The following GTF2H3 variants were observed in gnomAD, a reference collection of about 807,000 sequenced individuals.
GTF2H3 encodes TFIIH basal transcription factor complex p34 subunit.
Under a neutral mutation model 51.1 loss-of-function variants are expected in GTF2H3, and 42 were observed. The ratio of observed to expected loss-of-function variants is 0.82; its 90% CI spans 0.64 to 1.06. The LOEUF (loss-of-function observed/expected upper bound fraction) is 1.06, where lower values mean the gene tolerates loss of function less well. GTF2H3 is among the 50% of genes least tolerant of loss of function. The pLI, the probability that GTF2H3 is intolerant of heterozygous loss-of-function variation, is 0.00. For missense variants in GTF2H3, 326 were observed against 366.1 expected, an observed-to-expected ratio of 0.89 and a Z score of 0.89; for synonymous variants, 123 against 123.8, an observed-to-expected ratio of 0.99 and a Z score of 0.04.
At chr12:123,641,469 GC>G (rs1374542682) in intron 2 of GTF2H3, among the ~76,000 whole-genome samples, 1 of 151,230 alleles carries the variant, frequency 6.6e-6, no homozygotes, top group East Asian at 1.9e-4. Flanking sequence ...CAAGTGATCT[GC>G]CTGCCTCGAC....
In GTF2H3 at chr12:123,649,286, C is replaced by G. The variant is rs138247419; in HGVS notation, c.364+1160C>G. The G allele has an allele frequency of 2.0e-5, 3 of 152,396 alleles. No homozygotes were observed. In the East Asian group the frequency reaches 5.8e-4, roughly 29 times the overall value. The allele number at this position is 152,396 out of a possible 1,614,324, so 9.4% of individuals were successfully genotyped here. A position where few individuals can be genotyped will look rare whatever the true frequency, so the allele number is the denominator to read the frequency against. On this transcript the variant is annotated intron_variant, in intron 4 of 12. Coordinates refer to ENST00000543341, the MANE Select transcript of GTF2H3 (RefSeq NM_001516.5). ...CCCAGGCCCCATCCCTTATTGTCAT[C>G]TTGATCGGCCTCAGCATTATTGACA...
intron 1 of GTF2H3, among the ~76,000 whole-genome samples, chr12:123,638,516 C>G (rs1444587804): frequency 6.6e-6 from 1 of 152,022 alleles, no homozygotes; most frequent in African/African-American, 2.4e-5. Context: ...CGATATTGCC[C>G]AGGCTGGTCT....
chr12:123,658,102 G>A (rs544729099), intron 9 of GTF2H3, among the ~76,000 whole-genome samples: 2 of 152,228 alleles, frequency 1.3e-5, no homozygotes, highest in East Asian at 3.9e-4. Context: ...CTCTTGCCCA[G>A]GCTGGAATGC....
chr12:123,644,908 T>TAC (rs1427353366), intron 2 of GTF2H3, among the ~76,000 whole-genome samples: 2 of 152,342 alleles, frequency 1.3e-5, no homozygotes, highest in Admixed American at 1.3e-4. Context: ...CTTTAAATGT[T>TAC]ACACTGCAAA....
At chr12:123,646,092 CTG>C (rs1404507240) in intron 3 of GTF2H3, among the ~76,000 whole-genome samples, 1 of 152,138 alleles carries the variant, frequency 6.6e-6, no homozygotes, top group African/African-American at 2.4e-5. Flanking sequence ...TGAAAACTGG[CTG>C]TGTTAGACTC....
At chr12:123,653,798 T>A (rs1380399623) in intron 7 of GTF2H3, among the ~76,000 whole-genome samples, 1 of 152,092 alleles carries the variant, frequency 6.6e-6, no homozygotes, top group African/African-American at 2.4e-5. Flanking sequence ...TTGGTAAAAA[T>A]CTTTTCTGGG....
At chr12:123,639,738 C>A (rs1283897575) in intron 2 of GTF2H3, among the ~76,000 whole-genome samples, 1 of 152,038 alleles carries the variant, frequency 6.6e-6, no homozygotes. Flanking sequence ...ACATAGGAAA[C>A]CAGAAAAGAT....
In GTF2H3 at chr12:123,661,932, A is replaced by G. The variant is rs924286631; in HGVS notation, c.*1697A>G. 1 of 151,846 alleles carries G rather than the reference A, an allele frequency of 6.6e-6. No individual in the cohort carries two copies. Among genetic ancestry groups the G allele is most frequent in the African/African-American group, 2.4e-5 (1 of 41,326 alleles). The allele number at this position is 151,846 out of a possible 1,614,324, so 9.4% of individuals were successfully genotyped here. A position where few individuals can be genotyped will look rare whatever the true frequency, so the allele number is the denominator to read the frequency against. On this transcript the variant is annotated 3_prime_UTR_variant, in exon 13 of 13. Coordinates refer to ENST00000543341, the MANE Select transcript of GTF2H3 (RefSeq NM_001516.5). ...CAGAAATTTGAGACCATCCTGCCCA[A>G]CGTGGTGAAAACATGGTGAAACCCT... is the stretch of plus-strand genomic sequence containing the variant.
chr12:123,659,618 G>T lies in GTF2H3; in HGVS notation c.684+34G>T. 3 of 1,596,830 alleles carry T rather than the reference G, an allele frequency of 1.9e-6. No individual in the cohort carries two copies. In the East Asian group the frequency reaches 6.7e-5, roughly 36 times the overall value. ...ACAGCAGCGGCGACCCTGATGCCTG[G>T]AGGGAAGGATGACCTCTGTGTCCTG... On this transcript the variant is annotated intron_variant, in intron 10 of 12. Transcript: ENST00000543341.
intron 2 of GTF2H3, among the ~76,000 whole-genome samples, chr12:123,640,428 C>T (rs1955353759): frequency 6.6e-6 from 1 of 151,292 alleles, no homozygotes; most frequent in African/African-American, 2.4e-5. Flanking sequence ...CCTTTGCCTC[C>T]TGGGTTCAAG....
intron 4 of GTF2H3, chr12:123,650,430 T>C (rs1418906788): frequency 6.5e-6 from 1 of 153,302 alleles, no homozygotes; most frequent in East Asian, 1.9e-4. Flanking sequence ...GCTGCTAGAC[T>C]TATGCGTGAC....
At position 123,660,752 on chromosome 12, in the gene GTF2H3, C is replaced by T. The variant is rs1046009002; in HGVS notation, c.*517C>T. ...AGCCTCAGATATTTGCAGATATTTA[C>T]TTTTTGTCTGATATCAGTACATATT... On this transcript the variant is annotated 3_prime_UTR_variant, in exon 13 of 13. Coordinates refer to ENST00000543341, the MANE Select transcript of GTF2H3 (RefSeq NM_001516.5). 1 of 152,344 alleles carries T rather than the reference C, an allele frequency of 6.6e-6. No homozygotes were observed. Among genetic ancestry groups the T allele is most frequent in the Non-Finnish European group, 1.5e-5 (1 of 68,174 alleles). 9.4% of individuals were successfully genotyped at this position (152,344 alleles called of 1,614,324 possible).
chr12:123,645,438 C>CTT lies in GTF2H3; in HGVS notation c.94-9_94-8dup. 1 of 1,351,472 alleles carries CTT rather than the reference C, an allele frequency of 7.4e-7. No homozygotes were observed. The allele number at this position is 1,351,472 out of a possible 1,614,324, so 83.7% of individuals were successfully genotyped here. A position where few individuals can be genotyped will look rare whatever the true frequency, so the allele number is the denominator to read the frequency against. ...GATAGCTAATTTGTTTTTCTAATGT[C>CTT]TTTTTTTTTCCAACAGTTCACTTTA... is the stretch of plus-strand genomic sequence containing the variant. On this transcript the variant is annotated splice_polypyrimidine_tract_variant and intron_variant, in intron 2 of 12. Coordinates refer to ENST00000543341, the MANE Select transcript of GTF2H3 (RefSeq NM_001516.5).
chr12:123,642,134 A>T (rs1235905977), intron 2 of GTF2H3, among the ~76,000 whole-genome samples: 2 of 149,164 alleles, frequency 1.3e-5, no homozygotes, highest in Middle Eastern at 3.4e-3. Flanking sequence ...GATTACAGGC[A>T]TGAGCCACTG....
At chr12:123,635,572 CAA>C (rs11316749) in intron 1 of GTF2H3, among the ~76,000 whole-genome samples, 70 of 85,362 alleles carry the variant, frequency 8.2e-4, no homozygotes, top group African/African-American at 8.2e-4. Flanking sequence ...GTCTCCGTCG[CAA>C]AAAAAAAAAA....
At chr12:123,635,773 A>C (rs1955274587) in intron 1 of GTF2H3, among the ~76,000 whole-genome samples, 1 of 152,178 alleles carries the variant, frequency 6.6e-6, no homozygotes, top group African/African-American at 2.4e-5. Flanking sequence ...TAAGAAGTCC[A>C]CAGTCTTAAG....
chr12:123,652,605 T>A (rs1481661827), intron 6 of GTF2H3, 44 bp downstream of exon 6: 9 of 1,488,638 alleles, frequency 6.0e-6, no homozygotes, highest in African/African-American at 1.4e-5. Flanking sequence ...TCCTACTTAT[T>A]TTACTAGTAT....
intron 9 of GTF2H3, among the ~76,000 whole-genome samples, chr12:123,656,497 A>G (rs1013982661): frequency 2.7e-4 from 41 of 152,078 alleles, no homozygotes; most frequent in African/African-American, 9.7e-4. Context: ...CTACCTCCTC[A>G]GCCCTCACAT....
chr12:123,658,209 A>G (rs943171202), intron 9 of GTF2H3, among the ~76,000 whole-genome samples: 3 of 151,640 alleles, frequency 2.0e-5, no homozygotes, highest in African/African-American at 7.3e-5. Flanking sequence ...GGCATGCACT[A>G]CAATGCCTGG....
Sources: gnomAD v4.1 joint callset for allele counts (sites outside exome capture counted in the v4.1 genomes callset) on GRCh38, gnomAD v4.1.1 for gene constraint, MANE v1.5 for transcripts, NCBI Gene and HGNC (gene_info 2026-07-23, HGNC 2026-07-21) for gene names.